The following ELP4 variants were observed in gnomAD, a reference collection of about 807,000 sequenced individuals.
ELP4 encodes the protein elongator acetyltransferase complex subunit 4, also known as elongator complex protein 4.
A neutral mutation model predicts 48.9 loss-of-function variants in ELP4; 51 were observed. The ratio of observed to expected loss-of-function variants is 1.04; its 90% CI spans 0.83 to 1.32. The LOEUF (loss-of-function observed/expected upper bound fraction) is 1.32, where lower values mean the gene tolerates loss of function less well. Ranked by LOEUF, ELP4 falls within the 40% of genes most tolerant of loss-of-function variation. The pLI, the probability that ELP4 is intolerant of heterozygous loss-of-function variation, is 0.00. For synonymous variants in ELP4, 210 were observed against 189.2 expected (o/e 1.11, Z -0.90); for missense variants, 519 against 514.6 (o/e 1.01, Z -0.08).
Position 31,787,052 on chromosome 11 carries a change from A to G in ELP4, c.*3528A>G, listed in dbSNP as rs143185259. ...ATAATAAACAAAAATTATTTCAACAATGAGTAAAAGGCCAACTCCCAGGCA... is the reference window on the plus strand; with the variant it reads ...ATAATAAACAAAAATTATTTCAACAGTGAGTAAAAGGCCAACTCCCAGGCA... On this transcript the variant is annotated 3_prime_UTR_variant, in exon 10 of 10. Transcript: ENST00000640961. 123 of 228,998 alleles carry G rather than the reference A, an allele frequency of 5.4e-4. No individual in the cohort carries two copies. Among genetic ancestry groups the G allele is most frequent in the African/African-American group, 2.2e-3 (98 of 45,170 alleles). 14.2% of individuals were successfully genotyped at this position (228,998 alleles called of 1,614,324 possible). A position where few individuals can be genotyped will look rare whatever the true frequency, so the allele number is the denominator to read the frequency against.
chr11:31,749,391 G>A (rs960356742), intron 9 of ELP4, among the ~76,000 whole-genome samples: 1 of 152,098 alleles, frequency 6.6e-6, no homozygotes, highest in Non-Finnish European at 1.5e-5. Flanking sequence ...TAGAGAGTAC[G>A]GAAAAACTGA....
At chr11:31,523,181 T>C (rs1956243741) in intron 2 of ELP4, among the ~76,000 whole-genome samples, 1 of 152,138 alleles carries the variant, frequency 6.6e-6, no homozygotes, top group Admixed American at 6.5e-5. Flanking sequence ...CCCAGTTCTC[T>C]ACTTTTCTTC....
At chr11:31,706,356 AT>A (rs1946631716) in intron 9 of ELP4, among the ~76,000 whole-genome samples, 1 of 151,710 alleles carries the variant, frequency 6.6e-6, no homozygotes, top group Non-Finnish European at 1.5e-5. Context: ...AAGGCCAGAC[AT>A]GGTGGCTCAT....
intron 9 of ELP4, among the ~76,000 whole-genome samples, chr11:31,730,797 C>T (rs1354751507): frequency 6.6e-6 from 1 of 152,148 alleles, no homozygotes; most frequent in Non-Finnish European, 1.5e-5. Flanking sequence ...TTTTAGGGGG[C>T]TGCCCAAGGG....
At position 31,594,781 on chromosome 11, in the gene ELP4, A is replaced by G. The variant is rs761693559; in HGVS notation, c.393A>G (p.Ala131=). 2.6e-6 allele frequency: 4 copies of G among 1,518,992 alleles called. No individual in the cohort carries two copies. The South Asian group carries it at 5.5e-5, about 21-fold the overall frequency. 94.1% of individuals were successfully genotyped at this position (1,518,992 alleles called of 1,614,324 possible). Residue 131 remains alanine (A), a synonymous_variant, in exon 4 of 10, where the codon GCA becomes GCG. Coordinates refer to ENST00000640961, the MANE Select transcript of ELP4 (RefSeq NM_019040.5). ...DPANILQELP[A]PLLDDKCKKE... ...TTTTGTTTTCTTAGGAACTTCCAGC[A>G]CCATTACTTGATGATAAATGTAAAA...
At chr11:31,611,736 G>A (rs552263947) in intron 5 of ELP4, among the ~76,000 whole-genome samples, 7 of 152,320 alleles carry the variant, frequency 4.6e-5, no homozygotes, top group East Asian at 3.9e-4. Flanking sequence ...CAAAGCAGAC[G>A]TTAACCTTGC....
intron 2 of ELP4, among the ~76,000 whole-genome samples, chr11:31,526,597 A>G (rs968261842): frequency 6.6e-6 from 1 of 152,056 alleles, no homozygotes; most frequent in Non-Finnish European, 1.5e-5. Context: ...TCACACAGAA[A>G]AAAAATACAG....
At position 31,719,270 on chromosome 11, in the gene ELP4, A is replaced by G. The variant is rs946201175; in HGVS notation, c.1144-64123A>G. On this transcript the variant is annotated intron_variant, in intron 9 of 9. Coordinates refer to ENST00000640961, the MANE Select transcript of ELP4 (RefSeq NM_019040.5). The stretch of plus-strand genomic sequence containing the variant: ...GCAAGACCCTGAAAAAGAAAAAAAA[A>G]AAAGAAAGAAAAGAAAATCTGTACC... Among the ~76,000 whole-genome samples, 7 of 152,068 alleles carry G rather than the reference A, an allele frequency of 4.6e-5. No individual in the cohort carries two copies. The East Asian group carries it at 7.7e-4, about 17-fold the overall frequency.
chr11:31,655,515 A>G (rs950337640), intron 9 of ELP4, among the ~76,000 whole-genome samples: 9 of 152,000 alleles, frequency 5.9e-5, no homozygotes, highest in African/African-American at 2.2e-4. Context: ...ACACCATCCT[A>G]GTTCCCACTG....
At position 31,509,990 on chromosome 11, in the gene ELP4, C is replaced by T. The variant is rs777162462; in HGVS notation, c.206C>T (p.Ala69Val). ...GQLLVSTGLP[A>V]LDQLLGGGLA... is the part of the protein sequence containing the mutation. ...CTGCTGGTATCAACCGGGCTCCCAG[C>T]CCTAGACCAGCTCTTAGGTCGGTTC... Residue 69 changes from alanine to valine, a missense_variant, in exon 1 of 10, where the codon GCC becomes GTC. By Grantham distance (64) the Ala-to-Val change is moderately conservative. Coordinates refer to ENST00000640961, the MANE Select transcript of ELP4 (RefSeq NM_019040.5). 10 of 1,611,858 alleles carry T rather than the reference C, an allele frequency of 6.2e-6. No individual in the cohort carries two copies. The South Asian group carries it at 1.1e-4, about 18-fold the overall frequency.
intron 9 of ELP4, among the ~76,000 whole-genome samples, chr11:31,760,240 A>T (rs949924427): frequency 6.6e-6 from 1 of 152,228 alleles, no homozygotes; most frequent in African/African-American, 2.4e-5. Context: ...TGAAGTTTTG[A>T]CTAAGCAGTA....
At chr11:31,703,358 A>G (rs935138897) in intron 9 of ELP4, among the ~76,000 whole-genome samples, 13 of 152,152 alleles carry the variant, frequency 8.5e-5, no homozygotes, top group Non-Finnish European at 4.4e-5. Flanking sequence ...GATTTAGATC[A>G]CCTCTTTATT....
At chr11:31,629,860 G>GCCCACAAAAGAAAGCAGGAA (rs1944821986) in intron 6 of ELP4, among the ~76,000 whole-genome samples, 1 of 149,910 alleles carries the variant, frequency 6.7e-6, no homozygotes, top group Non-Finnish European at 1.5e-5. Flanking sequence ...AACAAATTTA[G>GCCCACAAAAGAAAGCAGGAA]AGATAGCAAA....
Position 31,763,668 on chromosome 11 carries a change from T to C in ELP4, c.1144-19725T>C, listed in dbSNP as rs536417779. 5 of 1,044,468 alleles carry C rather than the reference T, an allele frequency of 4.8e-6. No individual in the cohort carries two copies. In the Admixed American group the frequency reaches 1.5e-4, roughly 30 times the overall value. 64.7% of individuals were successfully genotyped at this position (1,044,468 alleles called of 1,614,324 possible). A position where few individuals can be genotyped will look rare whatever the true frequency, so the allele number is the denominator to read the frequency against. ...GTTCACATACTGCTATTTAATCACC[T>C]TTTTACCAAAGATTAAACTTTACAG... is the stretch of plus-strand genomic sequence containing the variant. On this transcript the variant is annotated intron_variant, in intron 9 of 9. Coordinates refer to ENST00000640961, the MANE Select transcript of ELP4 (RefSeq NM_019040.5).
intron 9 of ELP4, among the ~76,000 whole-genome samples, chr11:31,747,695 C>G (rs1947628226): frequency 6.6e-6 from 1 of 152,182 alleles, no homozygotes. Context: ...CAGTAGTAAT[C>G]ACCATGGTCA....
intron 9 of ELP4, among the ~76,000 whole-genome samples, chr11:31,725,466 A>G (rs1454069992): frequency 6.6e-6 from 1 of 152,060 alleles, no homozygotes; most frequent in Non-Finnish European, 1.5e-5. Flanking sequence ...CTGCCCTGCC[A>G]TTTCTCTCTA....
At chr11:31,518,220 C>T (rs1470903679) in intron 1 of ELP4, among the ~76,000 whole-genome samples, 1 of 151,646 alleles carries the variant, frequency 6.6e-6, no homozygotes, top group East Asian at 2.0e-4. Context: ...GATTCTCCTG[C>T]CTCAGCCTCC....
At chr11:31,511,674 A>G (rs1338261991) in intron 1 of ELP4, 1 of 152,182 alleles carries the variant, frequency 6.6e-6, no homozygotes, top group Non-Finnish European at 1.5e-5. Flanking sequence ...CCGCTGTCTG[A>G]AATTTTTACG....
rs1957019705 is a variant in ELP4, at chr11:31,561,197, G to A, written c.381+21414G>A. Among the ~76,000 whole-genome samples, 5 of 152,080 alleles carry A rather than the reference G, an allele frequency of 3.3e-5. No individual in the cohort carries two copies. In the South Asian group the frequency reaches 1.0e-3, roughly 32 times the overall value. ...GCTCTTAACTATAGAATTATTTGCA[G>A]GTTATTATCTTATATTAACCCTCTA... On this transcript the variant is annotated intron_variant, in intron 3 of 9. Transcript: ENST00000640961.
Sources: allele counts gnomAD v4.1 joint callset (sites outside exome capture counted in the v4.1 genomes callset), GRCh38; gene constraint gnomAD v4.1.1; transcripts MANE v1.5; gene names NCBI Gene and HGNC (gene_info 2026-07-23, HGNC 2026-07-21).